Variants in SCN8A observed in about 807,000 individuals in gnomAD.
SCN8A encodes the protein sodium channel protein type 8 subunit alpha.
A neutral mutation model predicts 184.1 loss-of-function variants in SCN8A; 30 were observed. That is an observed-to-expected ratio of 0.16 (90% CI 0.12 to 0.22). The LOEUF is 0.22. Among genes scored for constraint, SCN8A ranks in the 10% least tolerant of loss-of-function variants. SCN8A has a pLI of 1.00. For missense variants in SCN8A, 1,057 were observed against 2,498.9 expected (o/e 0.42, Z 12.30); for synonymous variants, 852 against 907.0 (o/e 0.94, Z 1.09).
intron 22 of SCN8A, among the ~76,000 whole-genome samples, 195 bp downstream of exon 22, chr12:51,787,021 C>T (rs1938105859): frequency 6.6e-6 from 1 of 152,174 alleles, no homozygotes; most frequent in African/African-American, 2.4e-5. Flanking sequence ...TACAAGATCT[C>T]ACTCAAAGGA....
At chr12:51,695,492 G>A (rs1592385107) in intron 6 of SCN8A, among the ~76,000 whole-genome samples, 1 of 152,156 alleles carries the variant, frequency 6.6e-6, no homozygotes, top group Non-Finnish European at 1.5e-5. Context: ...ATTAGTGGGG[G>A]TCATCTCTGG....
chr12:51,643,923 G>A (rs1005686815), intron 1 of SCN8A, among the ~76,000 whole-genome samples: 4 of 152,212 alleles, frequency 2.6e-5, no homozygotes, highest in African/African-American at 4.8e-5. Flanking sequence ...CACTCAAGAC[G>A]TTCTCATTGA....
chr12:51,681,962 A>G (rs139240573), intron 2 of SCN8A, among the ~76,000 whole-genome samples: 1 of 152,248 alleles, frequency 6.6e-6, no homozygotes, highest in Admixed American at 6.5e-5. Flanking sequence ...TTAAAAAAAA[A>G]AAGGTGGGGG....
chr12:51,777,845 G>GT (rs1565922191), intron 20 of SCN8A, among the ~76,000 whole-genome samples: 1 of 152,176 alleles, frequency 6.6e-6, no homozygotes, highest in East Asian at 1.9e-4. Context: ...ACAAAGTTTC[G>GT]TAAGATGAAG....
chr12:51,686,974 T>C, intron 4 of SCN8A, 117 bp from the exon 5 acceptor site: 2 of 987,768 alleles, frequency 2.0e-6, no homozygotes, highest in Non-Finnish European at 3.1e-6. Flanking sequence ...GCATTGGCTG[T>C]GCCCTTTCTG....
chr12:51,753,275 C>G (rs1210793048), intron 14 of SCN8A, among the ~76,000 whole-genome samples: 1 of 151,992 alleles, frequency 6.6e-6, no homozygotes, highest in East Asian at 1.9e-4. Context: ...AGTAAATGTA[C>G]AATTAGCAGT....
At chr12:51,771,115 AG>A (rs1942919193) in intron 19 of SCN8A, among the ~76,000 whole-genome samples, 1 of 152,224 alleles carries the variant, frequency 6.6e-6, no homozygotes, top group South Asian at 2.1e-4. Flanking sequence ...TCTGGTACAA[AG>A]GTTATTTATA....
intron 26 of SCN8A, among the ~76,000 whole-genome samples, chr12:51,803,896 C>T (rs188569312): frequency 7.9e-5 from 12 of 152,322 alleles, no homozygotes; most frequent in Non-Finnish European, 1.5e-5. Flanking sequence ...CGCATCTTGT[C>T]TTTTCCTGAA....
chr12:51,711,897 A>G (rs1327708765), intron 11 of SCN8A, among the ~76,000 whole-genome samples: 1 of 152,170 alleles, frequency 6.6e-6, no homozygotes, highest in East Asian at 1.9e-4. Flanking sequence ...AATGGGGAGA[A>G]TAGATTCCCC....
At chr12:51,611,523 G>A (rs749481793) in intron 1 of SCN8A, among the ~76,000 whole-genome samples, 7 of 152,022 alleles carry the variant, frequency 4.6e-5, no homozygotes, top group Non-Finnish European at 1.0e-4. Context: ...TTTAGATGGA[G>A]TTTCACTCTT....
chr12:51,601,627 T>G (rs1431543367), intron 1 of SCN8A, among the ~76,000 whole-genome samples: 3 of 152,136 alleles, frequency 2.0e-5, no homozygotes, highest in Admixed American at 2.0e-4. Context: ...TAATTAGATA[T>G]GTTTTCCATT....
At chr12:51,718,693 A>G (rs1942003776) in intron 11 of SCN8A, among the ~76,000 whole-genome samples, 1 of 151,850 alleles carries the variant, frequency 6.6e-6, no homozygotes, top group Non-Finnish European at 1.5e-5. Flanking sequence ...TTTGATGAAA[A>G]TATATTTAAA....
chr12:51,602,745 C>G (rs1373595698), intron 1 of SCN8A, among the ~76,000 whole-genome samples: 2 of 152,154 alleles, frequency 1.3e-5, no homozygotes, highest in Non-Finnish European at 2.9e-5. Flanking sequence ...ACCCTGCTTT[C>G]TAGTGTGGCT....
At chr12:51,685,364 AAG>A (rs1281949137) in intron 3 of SCN8A, among the ~76,000 whole-genome samples, 2 of 152,176 alleles carry the variant, frequency 1.3e-5, no homozygotes, top group Non-Finnish European at 2.9e-5. Context: ...TGCCATTAAC[AAG>A]AGAGAGTGAA....
chr12:51,701,350 AT>A, intron 8 of SCN8A, 143 bp downstream of exon 8: 1 of 464,490 alleles, frequency 2.2e-6, no homozygotes. Context: ...GTTGGCATAG[AT>A]TTTCTTTGTT....
chr12:51,706,272 T>C (rs1941781291), intron 10 of SCN8A, 150 bp from the exon 11 acceptor site: 1 of 652,970 alleles, frequency 1.5e-6, no homozygotes, highest in Non-Finnish European at 2.4e-6. Context: ...TGTGCCAGAA[T>C]ACACAGAAAC....
In SCN8A at chr12:51,738,225, T is replaced by A. The variant is rs371556311; in HGVS notation, c.1999-7678T>A. Among the ~76,000 whole-genome samples the A allele has an allele frequency of 3.9e-5, 6 of 152,358 alleles. No individual in the cohort carries two copies. In the East Asian group the frequency reaches 1.2e-3, roughly 29 times the overall value. On this transcript the variant is annotated intron_variant, in intron 12 of 26. Coordinates refer to ENST00000627620, the MANE Select transcript of SCN8A (RefSeq NM_001330260.2). ...GTTGACTTTGAGGGCTATATAATTG[T>A]TCTGGAATTAGAACTTGTGCTCCCC...
chr12:51,791,700 C>A (rs1481001916), intron 25 of SCN8A, among the ~76,000 whole-genome samples: 1 of 152,056 alleles, frequency 6.6e-6, no homozygotes, highest in African/African-American at 2.4e-5. Flanking sequence ...CATAATGAGA[C>A]CCCATCTCTA....
intron 1 of SCN8A, among the ~76,000 whole-genome samples, chr12:51,632,606 C>T (rs1940220873): frequency 6.6e-6 from 1 of 152,170 alleles, no homozygotes; most frequent in South Asian, 2.1e-4. Flanking sequence ...TTTTGGCTGA[C>T]ACCTGAACCA....
Sources: allele counts gnomAD v4.1 joint callset (sites outside exome capture counted in the v4.1 genomes callset), GRCh38; gene constraint gnomAD v4.1.1; transcripts MANE v1.5; gene names NCBI Gene and HGNC (gene_info 2026-07-23, HGNC 2026-07-21).